CDYL: variants seen among roughly 807,000 people sequenced by gnomAD.
CDYL encodes chromodomain Y-like protein.
In CDYL, 8 loss-of-function variants were observed where a neutral mutation model predicts 47.3. That is an observed-to-expected ratio of 0.17 (90% CI 0.10 to 0.31). CDYL has a LOEUF of 0.31. CDYL is among the 10% of genes least tolerant of loss of function. The pLI is 1.00. For synonymous variants in CDYL, 266 were observed against 265.0 expected (o/e 1.00, Z -0.04); for missense variants, 471 against 701.4 (o/e 0.67, Z 3.71).
At chr6:4,923,524 T>A (rs997663708) in intron 2 of CDYL, among the ~76,000 whole-genome samples, 14 of 152,218 alleles carry the variant, frequency 9.2e-5, no homozygotes, top group African/African-American at 3.4e-4. Flanking sequence ...ACTGCTGCAA[T>A]AAACATGGGA....
chr6:4,717,703 CAAAAAAAAAAAAAAAAAAA>C (rs200835710), intron 2 of CDYL, among the ~76,000 whole-genome samples: 31 of 49,350 alleles, frequency 6.3e-4, no homozygotes, highest in Admixed American at 1.2e-3. Context: ...AAGACCCTCA[CAAAAAAAAAAAAAAAAAAA>C]AAAAAAAAAA....
chr6:4,815,797 TC>T (rs1759658178), intron 1 of CDYL, among the ~76,000 whole-genome samples: 1 of 151,442 alleles, frequency 6.6e-6, no homozygotes. Flanking sequence ...CAGCATTTTC[TC>T]CTAATTTACT....
At chr6:4,734,755 G>C (rs761201200) in intron 2 of CDYL, 1 of 1,614,074 alleles carries the variant, frequency 6.2e-7, no homozygotes, top group Admixed American at 1.7e-5. Context: ...TCATTATTCT[G>C]TGCTAGTGTC....
At chr6:4,913,279 T>C (rs1376663464) in intron 2 of CDYL, among the ~76,000 whole-genome samples, 1 of 152,234 alleles carries the variant, frequency 6.6e-6, no homozygotes, top group African/African-American at 2.4e-5. Context: ...AATTTTTTTA[T>C]TTCAGGGGTG....
At chr6:4,936,092 A>G (rs1758184799) in intron 3 of CDYL, among the ~76,000 whole-genome samples, 1 of 152,178 alleles carries the variant, frequency 6.6e-6, no homozygotes, top group South Asian at 2.1e-4. Flanking sequence ...ACGGGGCTCC[A>G]TGAAGGCACG....
intron 5 of CDYL, among the ~76,000 whole-genome samples, chr6:4,945,500 A>T (rs971029506): frequency 6.6e-6 from 1 of 152,104 alleles, no homozygotes; most frequent in African/African-American, 2.4e-5. Flanking sequence ...CAGCCGCCCA[A>T]ATGCTAAAAC....
chr6:4,908,460 C>G (rs1757305536), intron 2 of CDYL, among the ~76,000 whole-genome samples: 1 of 152,200 alleles, frequency 6.6e-6, no homozygotes, highest in Non-Finnish European at 1.5e-5. Flanking sequence ...AAGGAAGTAT[C>G]TAATTTCACT....
chr6:4,851,758 A>C (rs1477879136), intron 1 of CDYL, among the ~76,000 whole-genome samples: 2 of 152,214 alleles, frequency 1.3e-5, no homozygotes, highest in East Asian at 1.9e-4. Flanking sequence ...TGTCAGCCTC[A>C]TGTTAGAAGA....
At chr6:4,749,474 G>GT (rs1757954841) in intron 3 of CDYL, among the ~76,000 whole-genome samples, 1 of 23,714 alleles carries the variant, frequency 4.2e-5, no homozygotes. Context: ...ATGGATGGAT[G>GT]GATGAATGGA....
intron 1 of CDYL, among the ~76,000 whole-genome samples, chr6:4,867,767 G>T (rs922774787): frequency 1.4e-5 from 2 of 139,578 alleles, no homozygotes; most frequent in African/African-American, 5.7e-5. Context: ...GTAGGTTGTT[G>T]TGGGGTTTTT....
intron 3 of CDYL, among the ~76,000 whole-genome samples, chr6:4,763,412 TA>T (rs1372298340): frequency 6.6e-6 from 1 of 152,104 alleles, no homozygotes; most frequent in East Asian, 1.9e-4. Context: ...AATGAAGAAT[TA>T]AAACACAAAG....
intron 1 of CDYL, among the ~76,000 whole-genome samples, chr6:4,782,337 A>G (rs1758639077): frequency 1.3e-5 from 2 of 152,196 alleles, no homozygotes; most frequent in South Asian, 2.1e-4. Context: ...CAATCGTTGC[A>G]TAATTGTTGA....
At chr6:4,890,174 A>G in intron 1 of CDYL, 3 of 984,396 alleles carry the variant, frequency 3.0e-6, no homozygotes, top group Non-Finnish European at 3.6e-6. Flanking sequence ...GCTTTCCTAC[A>G]AGACATAATC....
intron 2 of CDYL, among the ~76,000 whole-genome samples, chr6:4,732,791 C>G (rs4960037): frequency 6.6e-6 from 1 of 151,664 alleles, no homozygotes; most frequent in Non-Finnish European, 1.5e-5. Flanking sequence ...AAAACAGATT[C>G]AAGTTTGAAA....
chr6:4,824,995 T>A (rs1201644470), intron 1 of CDYL, among the ~76,000 whole-genome samples: 2 of 152,102 alleles, frequency 1.3e-5, no homozygotes, highest in Non-Finnish European at 2.9e-5. Context: ...CTCAGCCTCC[T>A]GAGTAGCTGA....
chr6:4,827,934 C>A (rs1021662894), intron 1 of CDYL, among the ~76,000 whole-genome samples: 3 of 152,146 alleles, frequency 2.0e-5, no homozygotes, highest in Non-Finnish European at 4.4e-5. Flanking sequence ...GAATTACAGG[C>A]GGGAGCCATC....
chr6:4,862,625 A>G (rs1334099087), intron 1 of CDYL, among the ~76,000 whole-genome samples: 2 of 152,238 alleles, frequency 1.3e-5, no homozygotes, highest in Non-Finnish European at 2.9e-5. Flanking sequence ...CACTATAGCT[A>G]TTAGTGTGCT....
chr6:4,837,445 A>G (rs1460994596), intron 1 of CDYL, among the ~76,000 whole-genome samples: 1 of 148,900 alleles, frequency 6.7e-6, no homozygotes. Context: ...ATTAGTAAAT[A>G]CTCTTTTTTT....
At chr6:4,780,726 T>C (rs868415981) in intron 1 of CDYL, among the ~76,000 whole-genome samples, 1 of 152,188 alleles carries the variant, frequency 6.6e-6, no homozygotes, top group African/African-American at 2.4e-5. Context: ...TTTCCATTTT[T>C]AAAGAGGAAA....
Sources: gnomAD v4.1 joint callset for allele counts (sites outside exome capture counted in the v4.1 genomes callset) on GRCh38, gnomAD v4.1.1 for gene constraint, MANE v1.5 for transcripts, NCBI Gene and HGNC (gene_info 2026-07-23, HGNC 2026-07-21) for gene names.